Variants in ANKRD30A observed in about 807,000 individuals in gnomAD.
ANKRD30A encodes the protein ankyrin repeat domain 30A.
In ANKRD30A, 170 loss-of-function variants were observed where a neutral mutation model predicts 166.3. That is an observed-to-expected ratio of 1.02 (90% confidence interval 0.90 to 1.16). The LOEUF (loss-of-function observed/expected upper bound fraction) is 1.16, where lower values mean the gene tolerates loss of function less well. ANKRD30A is among the 50% of genes most tolerant of loss of function. The probability of loss-of-function intolerance (pLI) is 0.00; values close to 1 mark genes in which losing one functional copy is unlikely to be tolerated. For missense variants in ANKRD30A, 1,630 were observed against 1,518.0 expected, an observed-to-expected ratio of 1.07 and a Z score of -1.23; for synonymous variants, 564 against 508.9, an observed-to-expected ratio of 1.11 and a Z score of -1.46.
In ANKRD30A at chr10:37,125,899, GATCTTAGAAAGATCCATAAAGCTGCCT is replaced by G; in HGVS notation, c.113_139del (p.Asp38_Ser47delinsAla). ...CGACTCCTACATCGTCCACTCTGGG[GATCTTAGAAAGATCCATAAAGCTGCCT>G]CCCGGGGACAAGTCCGGAAGCTGGA... On this transcript the variant is annotated inframe_deletion, in exon 1 of 36. Coordinates refer to ENST00000361713, the MANE Select transcript of ANKRD30A (RefSeq NM_052997.3). The G allele has an allele frequency of 1.3e-6, 2 of 1,589,264 alleles. No individual in the cohort carries two copies. The highest frequency in any genetic ancestry group is 2.2e-5 in the South Asian group (2 of 90,402).
chr10:37,239,614 A>G, the ANKRD30A span, among the ~76,000 whole-genome samples: 2 of 152,144 alleles, frequency 1.3e-5, no homozygotes, highest in Non-Finnish European at 2.9e-5. Flanking sequence ...TTTGCTAAGA[A>G]TTAGAAAGAA....
In ANKRD30A at chr10:37,130,200, G is replaced by A. The variant is rs201813483; in HGVS notation, c.337-5G>A. On this transcript the variant is annotated splice_region_variant and splice_polypyrimidine_tract_variant and intron_variant, in intron 2 of 35. Transcript: ENST00000361713. ...TTACAATAATTCTTGCTTTAATACTGACAGGCTCTACAATGCCATCAGGAG... is the reference window on the plus strand; with the variant it reads ...TTACAATAATTCTTGCTTTAATACTAACAGGCTCTACAATGCCATCAGGAG... 3.6e-5 allele frequency: 56 copies of A among 1,568,246 alleles called. No homozygotes were observed. The highest frequency in any genetic ancestry group is 3.4e-4 in the Middle Eastern group (2 of 5,930).
chr10:37,172,403 A>G (rs1839644850), intron 21 of ANKRD30A, among the ~76,000 whole-genome samples: 1 of 122,236 alleles, frequency 8.2e-6, no homozygotes, highest in Non-Finnish European at 1.8e-5. Flanking sequence ...TTAGCCAGAG[A>G]AGAAGAAGAA....
At chr10:37,149,609 A>T (rs1564489242) in intron 9 of ANKRD30A, 42 bp from the exon 10 acceptor site, 8 of 1,599,124 alleles carry the variant, frequency 5.0e-6, no homozygotes, top group Admixed American at 1.7e-5. Context: ...TGGCATTGTC[A>T]TACTTACTTA....
chr10:37,179,596 A>T (rs1415256825), intron 24 of ANKRD30A, among the ~76,000 whole-genome samples: 9 of 149,406 alleles, frequency 6.0e-5, no homozygotes, highest in African/African-American at 2.2e-4. Context: ...TCAATTCATA[A>T]CACTTTTTCT....
intron 24 of ANKRD30A, among the ~76,000 whole-genome samples, chr10:37,183,909 G>T (rs534875114): frequency 1.3e-5 from 2 of 149,794 alleles, no homozygotes; most frequent in Admixed American, 6.7e-5. Context: ...AGCACGTTGG[G>T]AGGCCGTGAC....
At chr10:37,201,432 C>A in intron 31 of ANKRD30A, 107 bp downstream of exon 31, 6 of 819,900 alleles carry the variant, frequency 7.3e-6, no homozygotes, top group South Asian at 2.2e-5. Context: ...TAAATGCAAA[C>A]CATGGAAAAA....
chr10:37,236,003 C>T (rs560400271), downstream of ANKRD30A, among the ~76,000 whole-genome samples: 4 of 152,126 alleles, frequency 2.6e-5, no homozygotes, highest in African/African-American at 7.2e-5. Flanking sequence ...CTCCTGACCT[C>T]GTGATCTGCC....
intron 24 of ANKRD30A, among the ~76,000 whole-genome samples, chr10:37,183,723 G>T (rs1404619514): frequency 6.8e-6 from 1 of 148,116 alleles, no homozygotes; most frequent in Non-Finnish European, 1.5e-5. Context: ...TGCTAGTTCA[G>T]AAGATATTGA....
intron 19 of ANKRD30A, 40 bp downstream of exon 19, chr10:37,166,735 A>C: frequency 1.2e-6 from 2 of 1,608,146 alleles, no homozygotes; most frequent in South Asian, 1.1e-5. Context: ...TTGACCAAAT[A>C]TTTCTCTAAA....
At position 37,201,456 on chromosome 10, in the gene ANKRD30A, TG is replaced by T; in HGVS notation, c.2869+133del. 5.1e-6 allele frequency: 3 copies of T among 588,706 alleles called. No homozygotes were observed. The South Asian group carries it at 8.6e-5, about 17-fold the overall frequency. The allele number at this position is 588,706 out of a possible 1,614,324, so 36.5% of individuals were successfully genotyped here. ...ACCATGGAAAAAAAGAGAAGTGCAA[TG>T]GTCATAAGTTATATGTCTCATCAGG... On this transcript the variant is annotated intron_variant, in intron 31 of 35. Transcript: ENST00000361713.
chr10:37,149,562 A>G, intron 9 of ANKRD30A, 89 bp from the exon 10 acceptor site: 1 of 1,453,508 alleles, frequency 6.9e-7, no homozygotes, highest in South Asian at 1.2e-5. Flanking sequence ...GTCGACCAAG[A>G]GGAATCAGTT....
chr10:37,253,625 C>T, the ANKRD30A span, among the ~76,000 whole-genome samples: 5 of 150,314 alleles, frequency 3.3e-5, no homozygotes, highest in Non-Finnish European at 7.4e-5. Context: ...CTGGCTTCTT[C>T]ATTTATTATA....
At chr10:37,227,313 G>C (rs1564598456) in intron 34 of ANKRD30A, among the ~76,000 whole-genome samples, 1 of 151,850 alleles carries the variant, frequency 6.6e-6, no homozygotes, top group East Asian at 1.9e-4. Context: ...TTTAAATACA[G>C]TATTTGGTGG....
chr10:37,257,335 C>CA, the ANKRD30A span, among the ~76,000 whole-genome samples: 28,937 of 143,430 alleles, frequency 0.2, 3,117 homozygotes, highest in Admixed American at 0.28. Context: ...TTAATCTTTT[C>CA]AAAAAAAAAA....
chr10:37,129,918 A>G lies in ANKRD30A; in HGVS notation c.247A>G (p.Asn83Asp), dbSNP rs759045913. ...GACTGCTCTACACTGGGCCTGTGTC[A>G]ATGGCCATGAGGAAGTAGTAACATT... ...KRTALHWACVNGHEEVVTFLV... is the reference protein window; with the variant it reads ...KRTALHWACVDGHEEVVTFLV... The change falls in exon 2 of 36, where the codon AAT (asparagine) becomes GAT (aspartate). Residue 83 changes from asparagine (N) to aspartate (D), a missense_variant. Transcript: ENST00000361713. The G allele has an allele frequency of 8.6e-5, 135 of 1,566,630 alleles. No homozygotes were observed. Among genetic ancestry groups the G allele is most frequent in the Non-Finnish European group, 1.1e-4 (132 of 1,153,678 alleles).
Position 37,134,018 on chromosome 10 carries a change from T to A in ANKRD30A, c.720T>A (p.Thr240=). Residue 240 remains threonine, a synonymous_variant, in exon 5 of 36, where the codon ACT becomes ACA. Transcript: ENST00000361713. ...DVFAADICGV[T]AEHYAVTCGF... ...TTGCTGCAGATATATGTGGAGTAAC[T>A]GCAGAACATTATGCTGTTACTTGTG... 3.7e-6 allele frequency: 6 copies of A among 1,614,110 alleles called. No homozygotes were observed. Among genetic ancestry groups the A allele is most frequent in the Non-Finnish European group, 5.1e-6 (6 of 1,179,966 alleles).
intron 27 of ANKRD30A, among the ~76,000 whole-genome samples, chr10:37,196,093 A>ATTTTTTT (rs749036981): frequency 6.2e-5 from 8 of 129,458 alleles, no homozygotes; most frequent in African/African-American, 8.7e-5. Flanking sequence ...TATATTTTCT[A>ATTTTTTT]TTTTTTTTTT....
chr10:37,254,941 C>T, the ANKRD30A span, among the ~76,000 whole-genome samples: 3 of 152,068 alleles, frequency 2.0e-5, no homozygotes, highest in Admixed American at 2.0e-4. Context: ...CTCAGCCTCC[C>T]AAAGTTCTGG....
Sources: gnomAD v4.1 joint callset for allele counts (sites outside exome capture counted in the v4.1 genomes callset) on GRCh38, gnomAD v4.1.1 for gene constraint, MANE v1.5 for transcripts, NCBI Gene and HGNC (gene_info 2026-07-23, HGNC 2026-07-21) for gene names.